The following FER1L6 variants were observed in gnomAD, a reference collection of about 807,000 sequenced individuals.
FER1L6 encodes fer-1-like protein 6.
In FER1L6, 177 loss-of-function variants were observed where a neutral mutation model predicts 219.2. The observed-to-expected ratio is 0.81, with a 90% CI of 0.71 to 0.91. The LOEUF (loss-of-function observed/expected upper bound fraction) is 0.91. FER1L6 is among the 40% of genes least tolerant of loss of function. The pLI is 0.00. For missense variants in FER1L6, 2,153 were observed against 2,259.9 expected (o/e 0.95, Z 0.96); for synonymous variants, 768 against 824.3 (o/e 0.93, Z 1.17).
intron 1 of FER1L6, among the ~76,000 whole-genome samples, chr8:123,929,038 A>T (rs1033085919): frequency 6.6e-6 from 1 of 152,180 alleles, no homozygotes; most frequent in Non-Finnish European, 1.5e-5. Context: ...TGGCCTTGGG[A>T]ATGAGGTCTC....
chr8:124,100,458 G>T (rs761341680), intron 37 of FER1L6, among the ~76,000 whole-genome samples: 1 of 152,194 alleles, frequency 6.6e-6, no homozygotes, highest in Non-Finnish European at 1.5e-5. Flanking sequence ...CAAAGGCACA[G>T]GGAGGTTAGA....
rs540752068 is a variant in FER1L6 at position 123,884,648 on chromosome 8, C to T, written c.-8+32463C>T. Among the ~76,000 whole-genome samples, 25 of 152,218 alleles carry T rather than the reference C, an allele frequency of 1.6e-4. No homozygotes were observed. The South Asian group carries it at 2.3e-3, about 14-fold the overall frequency. ...AAGGAAAAAGATGGCAGGCTCAAAT[C>T]GGAAGAGAAGTTTAGAAAAGGGACT... On this transcript the variant is annotated intron_variant, in intron 1 of 40. Transcript: ENST00000522917.
At chr8:123,991,118 C>T (rs1816836963) in intron 12 of FER1L6, among the ~76,000 whole-genome samples, 2 of 152,076 alleles carry the variant, frequency 1.3e-5, no homozygotes, top group Non-Finnish European at 2.9e-5. Flanking sequence ...TATATCCTTG[C>T]AGTATAACTT....
At chr8:124,012,905 GATT>G (rs1375255740) in intron 14 of FER1L6, among the ~76,000 whole-genome samples, 1 of 152,200 alleles carries the variant, frequency 6.6e-6, no homozygotes, top group Non-Finnish European at 1.5e-5. Context: ...GGAAAAGTGT[GATT>G]ATTAAGTATA....
intron 1 of FER1L6, among the ~76,000 whole-genome samples, chr8:123,869,043 T>C (rs1295899388): frequency 2.6e-5 from 4 of 152,144 alleles, no homozygotes; most frequent in African/African-American, 9.7e-5. Context: ...GACTATGTGC[T>C]TGCTTAAGGT....
intron 18 of FER1L6, among the ~76,000 whole-genome samples, chr8:124,026,055 A>G (rs2130657501): frequency 6.6e-6 from 1 of 152,276 alleles, no homozygotes; most frequent in Middle Eastern, 3.4e-3. Context: ...ACCCTTCATC[A>G]AGACAGAGTC....
chr8:124,084,140 A>G (rs1458601234), intron 33 of FER1L6, among the ~76,000 whole-genome samples: 1 of 149,768 alleles, frequency 6.7e-6, no homozygotes, highest in African/African-American at 2.4e-5. Context: ...TGAATTTATC[A>G]GTTCTAACGG....
At chr8:123,937,428 G>C (rs1279222717) in intron 1 of FER1L6, among the ~76,000 whole-genome samples, 1 of 152,080 alleles carries the variant, frequency 6.6e-6, no homozygotes, top group Non-Finnish European at 1.5e-5. Flanking sequence ...TGGACCAATG[G>C]GTGAGGTCAC....
chr8:123,866,137 T>C (rs977321467), intron 1 of FER1L6, among the ~76,000 whole-genome samples: 10 of 152,210 alleles, frequency 6.6e-5, no homozygotes, highest in Admixed American at 5.9e-4. Flanking sequence ...TATGCTCTGT[T>C]TCTATGAGGT....
chr8:123,956,156 C>G, intron 2 of FER1L6, 82 bp downstream of exon 2: 1 of 1,241,282 alleles, frequency 8.1e-7, no homozygotes, highest in South Asian at 1.3e-5. Context: ...ATGCAGTTCT[C>G]TCTCAATGGG....
intron 1 of FER1L6, among the ~76,000 whole-genome samples, chr8:123,890,496 C>T (rs1432332880): frequency 6.7e-6 from 1 of 150,352 alleles, no homozygotes; most frequent in African/African-American, 2.4e-5. Flanking sequence ...TTATTTGGCT[C>T]TATGAATAAT....
intron 26 of FER1L6, among the ~76,000 whole-genome samples, 156 bp downstream of exon 26, chr8:124,064,729 C>T (rs1012378370): frequency 6.6e-6 from 1 of 152,208 alleles, no homozygotes; most frequent in African/African-American, 2.4e-5. Flanking sequence ...TACTGTTACC[C>T]ACTTCACAGC....
In FER1L6 at chr8:124,103,173, T is replaced by A; in HGVS notation, c.5153T>A (p.Phe1718Tyr). Residue 1718 changes from phenylalanine to tyrosine, a missense_variant, in exon 39 of 41, where the codon TTC becomes TAC. Coordinates refer to ENST00000522917, the MANE Select transcript of FER1L6 (RefSeq NM_001039112.2). ...ACCCTGGAAATGAACCTCAACAGTT[T>A]CCCTCGAGCAGCTAAGTCTGCCAAA... The part of the protein sequence containing the change: ...LGTLEMNLNS[F>Y]PRAAKSAKAC... 6.2e-7 allele frequency: 1 copy of A among 1,614,122 alleles called. No individual in the cohort carries two copies. Among genetic ancestry groups the A allele is most frequent in the Non-Finnish European group, 8.5e-7 (1 of 1,179,996 alleles).
chr8:123,929,134 A>C (rs945504515), intron 1 of FER1L6, among the ~76,000 whole-genome samples: 1 of 152,200 alleles, frequency 6.6e-6, no homozygotes, highest in African/African-American at 2.4e-5. Flanking sequence ...AGGTGTATTA[A>C]GGGATGGTTG....
chr8:123,890,016 AATTAAC>A, intron 1 of FER1L6, among the ~76,000 whole-genome samples: 1 of 152,250 alleles, frequency 6.6e-6, no homozygotes, highest in Non-Finnish European at 1.5e-5. Context: ...AAATTTGGCT[AATTAAC>A]ATTGCTCATA....
chr8:123,876,057 C>T (rs1816999798), intron 1 of FER1L6, among the ~76,000 whole-genome samples: 1 of 152,208 alleles, frequency 6.6e-6, no homozygotes, highest in Non-Finnish European at 1.5e-5. Flanking sequence ...CATTATTTCA[C>T]TCAGAGTACA....
chr8:123,912,093 G>C (rs892976316), intron 1 of FER1L6, among the ~76,000 whole-genome samples: 6 of 152,060 alleles, frequency 3.9e-5, no homozygotes, highest in South Asian at 4.2e-4. Context: ...ACATTACGTG[G>C]TACTCATCAA....
intron 12 of FER1L6, among the ~76,000 whole-genome samples, chr8:123,996,398 CTT>C: frequency 6.6e-6 from 1 of 152,052 alleles, no homozygotes; most frequent in East Asian, 1.9e-4. Flanking sequence ...TCCTTGGTCT[CTT>C]TTCATAATTT....
At chr8:124,047,684 A>C (rs1819799628) in intron 21 of FER1L6, 1 of 152,138 alleles carries the variant, frequency 6.6e-6, no homozygotes, top group Admixed American at 6.5e-5. Flanking sequence ...TTCAGCTGAC[A>C]TTATTGACTC....
Sources: allele counts gnomAD v4.1 joint callset (sites outside exome capture counted in the v4.1 genomes callset), GRCh38; gene constraint gnomAD v4.1.1; transcripts MANE v1.5; gene names NCBI Gene and HGNC (gene_info 2026-07-23, HGNC 2026-07-21).